Variants in RBFOX3 observed in about 807,000 individuals in gnomAD.
RBFOX3 encodes the protein RNA binding protein fox-1 homolog 3.
Under a neutral mutation model 48.7 loss-of-function variants are expected in RBFOX3, and 17 were observed. The observed-to-expected ratio is 0.35, with a 90% CI of 0.24 to 0.52. RBFOX3 has a LOEUF of 0.52. RBFOX3 is among the 20% of genes least tolerant of loss of function. RBFOX3 has a pLI of 0.94. For synonymous variants in RBFOX3, 212 were observed against 209.5 expected (o/e 1.01, Z -0.10); for missense variants, 382 against 497.5 (o/e 0.77, Z 2.21).
chr17:79,442,401 G>A, intron 2 of RBFOX3, among the ~76,000 whole-genome samples: 1 of 132,696 alleles, frequency 7.5e-6, no homozygotes, highest in African/African-American at 3.0e-5. Flanking sequence ...GAGAGAGAGA[G>A]AAAGAGAGAC....
At chr17:79,582,707 C>T (rs1348945963) in intron 1 of RBFOX3, among the ~76,000 whole-genome samples, 1 of 131,444 alleles carries the variant, frequency 7.6e-6, no homozygotes, top group Middle Eastern at 5.1e-3. Flanking sequence ...TACTGAAGCC[C>T]GGGATGTTGA....
At chr17:79,455,942 A>G (rs2149206006) in intron 2 of RBFOX3, among the ~76,000 whole-genome samples, 1 of 152,246 alleles carries the variant, frequency 6.6e-6, no homozygotes, top group African/African-American at 2.4e-5. Context: ...GCAAGCCTCA[A>G]GAACATCACA....
intron 2 of RBFOX3, among the ~76,000 whole-genome samples, chr17:79,404,021 A>T (rs2063198469): frequency 6.6e-6 from 1 of 151,882 alleles, no homozygotes; most frequent in African/African-American, 2.4e-5. Context: ...CTCGTGATGC[A>T]CCCATCTTGG....
intron 2 of RBFOX3, among the ~76,000 whole-genome samples, chr17:79,439,117 C>T (rs960907401): frequency 5.9e-5 from 9 of 152,282 alleles, no homozygotes; most frequent in East Asian, 1.9e-4. Flanking sequence ...GAGCAGGGCC[C>T]GGCGTGATAA....
intron 2 of RBFOX3, among the ~76,000 whole-genome samples, chr17:79,384,899 TCCAA>T (rs1290163921): frequency 2.0e-5 from 3 of 152,222 alleles, no homozygotes; most frequent in Non-Finnish European, 2.9e-5. Context: ...AGGGAGACCT[TCCAA>T]ACTTCGGCAG....
intron 4 of RBFOX3, among the ~76,000 whole-genome samples, chr17:79,128,796 CA>C (rs1209648271): frequency 6.6e-6 from 1 of 152,216 alleles, no homozygotes; most frequent in African/African-American, 2.4e-5. Flanking sequence ...GCCTCCTTAT[CA>C]GGAGCTCTTC....
At chr17:79,341,352 T>A (rs1208088030) in intron 2 of RBFOX3, among the ~76,000 whole-genome samples, 1 of 152,232 alleles carries the variant, frequency 6.6e-6, no homozygotes, top group African/African-American at 2.4e-5. Context: ...CACAGCCCAC[T>A]TTTTTGCAGC....
chr17:79,318,825 A>C (rs2077933550), intron 2 of RBFOX3, among the ~76,000 whole-genome samples: 1 of 128,612 alleles, frequency 7.8e-6, no homozygotes, highest in Admixed American at 9.5e-5. Context: ...ACTGCACTCC[A>C]GCCTGGGTGA....
At chr17:79,458,936 G>T (rs981111783) in intron 2 of RBFOX3, among the ~76,000 whole-genome samples, 6 of 152,142 alleles carry the variant, frequency 3.9e-5, no homozygotes, top group African/African-American at 1.4e-4. Flanking sequence ...GGATCTAATG[G>T]CAAGCACAGG....
At position 79,477,541 on chromosome 17, in the gene RBFOX3, G is replaced by C; in HGVS notation, c.-175+4913C>G. 6.7e-6 allele frequency among the ~76,000 whole-genome samples: 1 copy of C among 149,946 alleles called. No homozygotes were observed. The highest frequency in any genetic ancestry group is 1.5e-5 in the Non-Finnish European group (1 of 67,718). On this transcript the variant is annotated intron_variant, in intron 2 of 14. Coordinates refer to ENST00000693108, the MANE Select transcript of RBFOX3 (RefSeq NM_001350451.2). The surrounding 1 kb of genome is among the most constrained non-coding windows in gnomAD (Gnocchi z 4.8). ...ATCGCACTCCAGCCTGGGCGACAGA[G>C]CGAAACTCCGTCACCGGAAAAAAAA...
intron 2 of RBFOX3, among the ~76,000 whole-genome samples, chr17:79,324,999 A>G (rs1246120242): frequency 6.6e-6 from 1 of 152,250 alleles, no homozygotes; most frequent in Admixed American, 6.5e-5. Context: ...TAGGAACTGC[A>G]GAAGTTTAGC....
At chr17:79,262,550 T>G (rs1054478172) in intron 3 of RBFOX3, among the ~76,000 whole-genome samples, 2 of 152,246 alleles carry the variant, frequency 1.3e-5, no homozygotes, top group African/African-American at 4.8e-5. Flanking sequence ...TGCTGTCTGC[T>G]CAGAGGGCAG....
At chr17:79,532,803 T>G (rs2088023667) in intron 1 of RBFOX3, among the ~76,000 whole-genome samples, 1 of 152,012 alleles carries the variant, frequency 6.6e-6, no homozygotes, top group African/African-American at 2.4e-5. Context: ...CCTATGGCTC[T>G]CTTTCATCAG....
chr17:79,327,138 C>T (rs549813598), intron 2 of RBFOX3, among the ~76,000 whole-genome samples: 3 of 152,338 alleles, frequency 2.0e-5, no homozygotes, highest in South Asian at 2.1e-4. Flanking sequence ...GGGTACCCCC[C>T]ACACCTTCCC....
chr17:79,312,810 G>A (rs568163947), intron 2 of RBFOX3, among the ~76,000 whole-genome samples: 1 of 152,300 alleles, frequency 6.6e-6, no homozygotes, highest in African/African-American at 2.4e-5. Context: ...GCACATGTGA[G>A]GATGGAGGGG....
chr17:79,658,928 G>A, the RBFOX3 span, among the ~76,000 whole-genome samples: 1 of 152,224 alleles, frequency 6.6e-6, no homozygotes, highest in African/African-American at 2.4e-5. Context: ...TGTAGGTTCT[G>A]CTGCAGTAGA....
chr17:79,574,746 G>GA (rs1368173747), intron 1 of RBFOX3, among the ~76,000 whole-genome samples: 1 of 152,080 alleles, frequency 6.6e-6, no homozygotes, highest in Non-Finnish European at 1.5e-5. Context: ...CTTTAAAAAA[G>GA]AAAAAAGGCT....
At chr17:79,250,284 C>T (rs1273986678) in intron 3 of RBFOX3, among the ~76,000 whole-genome samples, 1 of 152,180 alleles carries the variant, frequency 6.6e-6, no homozygotes, top group Non-Finnish European at 1.5e-5. Flanking sequence ...AGCTAATTTG[C>T]AGATTGTGCC....
At chr17:79,164,101 G>C (rs1397302690) in intron 4 of RBFOX3, among the ~76,000 whole-genome samples, 1 of 152,218 alleles carries the variant, frequency 6.6e-6, no homozygotes, top group Admixed American at 6.5e-5. Context: ...AAAAGGGTGA[G>C]ATGGGGAAGC....
Sources: gnomAD v4.1 joint callset for allele counts (sites outside exome capture counted in the v4.1 genomes callset) on GRCh38, gnomAD v4.1.1 for gene constraint, Gnocchi (gnomAD v3.1) non-coding constraint, MANE v1.5 for transcripts, NCBI Gene and HGNC (gene_info 2026-07-23, HGNC 2026-07-21) for gene names.